Variants in NFKB1 observed in about 807,000 individuals in gnomAD.
NFKB1 encodes nuclear factor NF-kappa-B p105 subunit.
In NFKB1, 9 loss-of-function variants were observed where a neutral mutation model predicts 105.1. That is an observed-to-expected ratio of 0.09 (90% CI 0.05 to 0.15). The LOEUF is 0.15. NFKB1 is among the 10% of genes least tolerant of loss of function. NFKB1 has a pLI of 1.00. For missense variants in NFKB1, 830 were observed against 1,203.7 expected, an observed-to-expected ratio of 0.69 and a Z score of 4.59; for synonymous variants, 440 against 442.2, an observed-to-expected ratio of 1.00 and a Z score of 0.06.
Position 102,597,633 on chromosome 4 carries a change from A to C in NFKB1, c.1609A>C (p.Thr537Pro). The C allele has an allele frequency of 1.2e-6, 2 of 1,613,616 alleles. No individual in the cohort carries two copies. The highest frequency in any genetic ancestry group is 1.7e-6 in the Non-Finnish European group (2 of 1,179,754). The change falls in exon 15 of 24, where the codon ACT becomes CCT. Residue 537 changes from threonine to proline, a missense_variant. Physicochemically the swap from Thr to Pro is conservative, Grantham distance 38 (BLOSUM62 -1). This residue lies in a region of NFKB1 where 418 missense variants were observed against 575.3 expected (regional missense o/e 0.73). Coordinates refer to ENST00000226574, the MANE Select transcript of NFKB1 (RefSeq NM_003998.4). ...GCTGCTGGCCGTCCAGCGCCATCTC[A>C]CTGCTGTGCAGGATGAGAATGGGGA... ...KMLLAVQRHL[T>P]AVQDENGDSV...
intron 2 of NFKB1, among the ~76,000 whole-genome samples, chr4:102,527,021 T>C (rs1740963635): frequency 6.6e-6 from 1 of 152,124 alleles, no homozygotes; most frequent in African/African-American, 2.4e-5. Flanking sequence ...AATGGCAATA[T>C]TAAATTATTT....
intron 5 of NFKB1, among the ~76,000 whole-genome samples, chr4:102,562,937 AACT>A (rs1723558993): frequency 6.6e-6 from 1 of 152,214 alleles, no homozygotes; most frequent in Non-Finnish European, 1.5e-5. Flanking sequence ...AGCAGAAAAG[AACT>A]ACTTCATGTA....
chr4:102,587,696 T>C (rs993250795), intron 11 of NFKB1, among the ~76,000 whole-genome samples: 6 of 152,132 alleles, frequency 3.9e-5, no homozygotes, highest in Admixed American at 2.6e-4. Context: ...GTTTAAGAAC[T>C]GTCTGGAGAA....
intron 8 of NFKB1, among the ~76,000 whole-genome samples, chr4:102,579,604 C>A (rs1298363695): frequency 4.8e-5 from 7 of 145,950 alleles, no homozygotes; most frequent in African/African-American, 1.5e-4. Flanking sequence ...GGAGTTTCAG[C>A]CCAGCATGAG....
chr4:102,563,127 TA>T (rs1723575586), intron 5 of NFKB1, among the ~76,000 whole-genome samples: 1 of 152,120 alleles, frequency 6.6e-6, no homozygotes, highest in Non-Finnish European at 1.5e-5. Context: ...TTGTTTTAAA[TA>T]AAAAGAGGTA....
chr4:102,613,186 C>A (rs1005650920), intron 22 of NFKB1, among the ~76,000 whole-genome samples: 2 of 152,162 alleles, frequency 1.3e-5, no homozygotes, highest in African/African-American at 4.8e-5. Flanking sequence ...CTCGCTGTCT[C>A]TCTCTCTGCT....
At chr4:102,568,850 C>G (rs1046511288) in intron 6 of NFKB1, among the ~76,000 whole-genome samples, 2 of 152,072 alleles carry the variant, frequency 1.3e-5, no homozygotes, top group Non-Finnish European at 2.9e-5. Context: ...GTTGGGAGAA[C>G]TCATCAGTCA....
intron 6 of NFKB1, among the ~76,000 whole-genome samples, chr4:102,575,510 C>A (rs230540): frequency 3.3e-5 from 5 of 152,052 alleles, no homozygotes; most frequent in African/African-American, 1.2e-4. Context: ...CTGAATTCTT[C>A]ACTTACTTCT....
At chr4:102,606,144 G>A (rs1307643287) in intron 16 of NFKB1, among the ~76,000 whole-genome samples, 2 of 152,116 alleles carry the variant, frequency 1.3e-5, no homozygotes, top group African/African-American at 2.4e-5. Context: ...AGTATATGAA[G>A]TGATGGATTT....
At position 102,606,521 on chromosome 4, in the gene NFKB1, C is replaced by T. The variant is rs1727743231; in HGVS notation, c.1778C>T (p.Thr593Ile). 6.2e-7 allele frequency: 1 copy of T among 1,614,078 alleles called. No homozygotes were observed. Among genetic ancestry groups the T allele is most frequent in the Admixed American group, 1.7e-5 (1 of 59,998 alleles). ...ACGCCCTTGCACTTGGCAGTGATCA[C>T]TAAGCAGGAAGATGTGGTGGAGGAT... Reference protein sequence around the residue: ...YQTPLHLAVITKQEDVVEDLL... With the variant: ...YQTPLHLAVIIKQEDVVEDLL... The change falls in exon 17 of 24, where the codon ACT becomes ATT. Residue 593 changes from threonine to isoleucine, a missense_variant. By Grantham distance (89) the Thr-to-Ile change is moderately conservative. Coordinates refer to ENST00000226574, the MANE Select transcript of NFKB1 (RefSeq NM_003998.4).
chr4:102,597,493 A>G lies in NFKB1; in HGVS notation c.1496-27A>G, dbSNP rs1321841013. ...CATAAAACAAAAGTAGGAACACTCA[A>G]CTATGATTGTGGTCATTGCCTTACA... On this transcript the variant is annotated intron_variant, in intron 14 of 23. Coordinates refer to ENST00000226574, the MANE Select transcript of NFKB1 (RefSeq NM_003998.4). 6 of 1,589,600 alleles carry G rather than the reference A, an allele frequency of 3.8e-6. No homozygotes were observed. In the African/African-American group the frequency reaches 4.0e-5, roughly 11 times the overall value.
intron 5 of NFKB1, among the ~76,000 whole-genome samples, chr4:102,554,161 C>T (rs1722816254): frequency 6.6e-6 from 1 of 152,002 alleles, no homozygotes; most frequent in Non-Finnish European, 1.5e-5. Context: ...AATTAAAAGG[C>T]CCAAAGAGGT....
chr4:102,558,899 A>T (rs1361974011), intron 5 of NFKB1, among the ~76,000 whole-genome samples: 1 of 152,198 alleles, frequency 6.6e-6, no homozygotes, highest in Non-Finnish European at 1.5e-5. Flanking sequence ...ATGGTTATTA[A>T]TGTATAGAGA....
chr4:102,518,752 G>A (rs1740369557), intron 1 of NFKB1, among the ~76,000 whole-genome samples: 1 of 152,122 alleles, frequency 6.6e-6, no homozygotes, highest in Admixed American at 6.5e-5. Flanking sequence ...GTGCCCTACT[G>A]CTGTTTGTCT....
rs1249779872 is a variant in NFKB1, at chr4:102,507,121, A to T, written c.-8+5333A>T. ...AAAATGAGAAAGAAATTAAATGTTAACATCTATAACAATTGCACTGTAAAG... is the reference window on the plus strand; with the variant it reads ...AAAATGAGAAAGAAATTAAATGTTATCATCTATAACAATTGCACTGTAAAG... On this transcript the variant is annotated intron_variant, in intron 1 of 23. Transcript: ENST00000226574. Among the ~76,000 whole-genome samples the T allele has an allele frequency of 2.6e-5, 4 of 151,496 alleles. No homozygotes were observed. The East Asian group carries it at 7.7e-4, about 29-fold the overall frequency.
intron 6 of NFKB1, among the ~76,000 whole-genome samples, chr4:102,575,877 G>A (rs982493080): frequency 4.6e-5 from 7 of 152,114 alleles, no homozygotes; most frequent in African/African-American, 1.4e-4. Context: ...TATAAATTCA[G>A]TGAAGGTAGA....
intron 5 of NFKB1, among the ~76,000 whole-genome samples, chr4:102,552,407 A>G (rs2149145438): frequency 6.6e-6 from 1 of 152,332 alleles, no homozygotes; most frequent in Admixed American, 6.5e-5. Flanking sequence ...GCTGACAGTC[A>G]GGGCTGTCTG....
At chr4:102,553,053 C>T (rs1445959709) in intron 5 of NFKB1, among the ~76,000 whole-genome samples, 2 of 152,092 alleles carry the variant, frequency 1.3e-5, no homozygotes, top group African/African-American at 2.4e-5. Flanking sequence ...AGGGGCTTTC[C>T]ACAGGAAATC....
chr4:102,523,452 G>A (rs185591922), intron 1 of NFKB1, among the ~76,000 whole-genome samples: 1 of 152,150 alleles, frequency 6.6e-6, no homozygotes, highest in Non-Finnish European at 1.5e-5. Context: ...CACTCACACA[G>A]TGCTCCAGCA....
Sources: allele counts gnomAD v4.1 joint callset (sites outside exome capture counted in the v4.1 genomes callset), GRCh38; gene constraint gnomAD v4.1.1; regional missense constraint gnomAD v4.1.1; transcripts MANE v1.5; gene names NCBI Gene and HGNC (gene_info 2026-07-23, HGNC 2026-07-21).